Variants in PIP5K1C observed in about 807,000 individuals in gnomAD.
PIP5K1C encodes phosphatidylinositol-4-phosphate 5-kinase type 1 gamma.
PIP5K1C carries 45 observed loss-of-function variants against 80.1 expected under a neutral mutation model. The observed-to-expected ratio is 0.56, with a 90% confidence interval of 0.44 to 0.72. The LOEUF is 0.72. PIP5K1C is among the 30% of genes least tolerant of loss of function. The probability of loss-of-function intolerance (pLI) is 0.00; values close to 1 mark genes in which losing one functional copy is unlikely to be tolerated. For missense variants in PIP5K1C, 753 were observed against 954.6 expected (o/e 0.79, Z 2.78); for synonymous variants, 498 against 420.1 (o/e 1.19, Z -2.27).
chr19:3,642,411 G>A (rs965713876), intron 14 of PIP5K1C, among the ~76,000 whole-genome samples: 7 of 152,204 alleles, frequency 4.6e-5, no homozygotes, highest in Admixed American at 1.3e-4. Flanking sequence ...CAGGAACGGC[G>A]CGCACCCACC....
intron 1 of PIP5K1C, among the ~76,000 whole-genome samples, chr19:3,695,121 G>A (rs541654763): frequency 1.3e-4 from 20 of 152,334 alleles, no homozygotes; most frequent in East Asian, 3.9e-4. Flanking sequence ...GCAGCCTGAC[G>A]CCCAGCAACC....
intron 1 of PIP5K1C, among the ~76,000 whole-genome samples, chr19:3,698,377 G>A (rs1009285402): frequency 2.6e-5 from 4 of 152,216 alleles, no homozygotes. Context: ...GGGGGACATC[G>A]GCGGGACCAA....
At chr19:3,636,739 C>T in intron 16 of PIP5K1C, 2 of 987,004 alleles carry the variant, frequency 2.0e-6, no homozygotes, top group Non-Finnish European at 2.4e-6. Context: ...GAGAGGTTTG[C>T]TGATGGGCGG....
chr19:3,664,744 C>T (rs1389374486), intron 3 of PIP5K1C, 78 bp downstream of exon 3: 2 of 1,203,510 alleles, frequency 1.7e-6, no homozygotes, highest in African/African-American at 3.0e-5. Context: ...CGATAGGCCC[C>T]ATCCATGCTA....
intron 1 of PIP5K1C, among the ~76,000 whole-genome samples, chr19:3,685,162 C>T (rs2035715001): frequency 1.3e-5 from 2 of 152,204 alleles, no homozygotes; most frequent in South Asian, 4.1e-4. Context: ...TGAAACCAGC[C>T]TGCCAGCAAT....
At chr19:3,687,516 T>C (rs948782360) in intron 1 of PIP5K1C, among the ~76,000 whole-genome samples, 6 of 101,596 alleles carry the variant, frequency 5.9e-5, no homozygotes, top group Non-Finnish European at 1.1e-4. Flanking sequence ...TGCACATACA[T>C]GCACACATGC....
At chr19:3,680,772 C>G (rs972821067) in intron 1 of PIP5K1C, among the ~76,000 whole-genome samples, 1 of 152,210 alleles carries the variant, frequency 6.6e-6, no homozygotes, top group African/African-American at 2.4e-5. Context: ...CAGGCGGAGG[C>G]CAGGATCTCC....
intron 1 of PIP5K1C, among the ~76,000 whole-genome samples, chr19:3,669,434 G>C (rs1467044264): frequency 6.6e-6 from 1 of 152,224 alleles, no homozygotes; most frequent in East Asian, 1.9e-4. Flanking sequence ...GGTGGGTGCG[G>C]AGTCCGCGGT....
At chr19:3,699,452 CG>C (rs1382007963) in intron 1 of PIP5K1C, among the ~76,000 whole-genome samples, 2 of 152,112 alleles carry the variant, frequency 1.3e-5, no homozygotes, top group African/African-American at 4.8e-5. Flanking sequence ...AAGGAAGCTT[CG>C]GGAGGCCTGG....
intron 3 of PIP5K1C, among the ~76,000 whole-genome samples, 155 bp downstream of exon 3, chr19:3,664,667 G>A (rs1443619805): frequency 6.6e-6 from 1 of 152,240 alleles, no homozygotes; most frequent in African/African-American, 2.4e-5. Flanking sequence ...GCAGGACTGA[G>A]GACTCCAGCC....
intron 9 of PIP5K1C, among the ~76,000 whole-genome samples, chr19:3,647,880 G>C (rs2034295711): frequency 6.6e-6 from 1 of 152,250 alleles, no homozygotes; most frequent in Admixed American, 6.5e-5. Flanking sequence ...TCAGAAGGCA[G>C]AGGTTGCAGT....
At chr19:3,682,026 C>T (rs928267542) in intron 1 of PIP5K1C, among the ~76,000 whole-genome samples, 3 of 152,104 alleles carry the variant, frequency 2.0e-5, no homozygotes, top group African/African-American at 7.2e-5. Flanking sequence ...CCCGTCACCA[C>T]CCCCACCAAT....
chr19:3,635,245 G>C (rs1435225514), intron 16 of PIP5K1C, among the ~76,000 whole-genome samples: 3 of 152,222 alleles, frequency 2.0e-5, no homozygotes, highest in South Asian at 2.1e-4. Context: ...TTCTGCTACA[G>C]CATTAGAAAC....
intron 6 of PIP5K1C, among the ~76,000 whole-genome samples, chr19:3,655,536 G>A (rs1164971063): frequency 1.3e-5 from 2 of 152,240 alleles, no homozygotes; most frequent in South Asian, 2.1e-4. Flanking sequence ...GCACATGGCC[G>A]CGCCCATCCA....
chr19:3,685,654 C>T (rs990795559), intron 1 of PIP5K1C, among the ~76,000 whole-genome samples: 7 of 151,370 alleles, frequency 4.6e-5, no homozygotes, highest in South Asian at 2.1e-4. Flanking sequence ...GGCGTGAACC[C>T]GGGAGGCGGA....
intron 6 of PIP5K1C, among the ~76,000 whole-genome samples, chr19:3,653,956 A>G (rs2034536659): frequency 6.6e-6 from 1 of 152,232 alleles, no homozygotes; most frequent in Non-Finnish European, 1.5e-5. Context: ...CCTAAAATAC[A>G]TACATGTATG....
chr19:3,637,955 G>C lies in PIP5K1C; in HGVS notation c.1920+929C>G. 1 of 1,534,180 alleles carries C rather than the reference G, an allele frequency of 6.5e-7. No homozygotes were observed. Among genetic ancestry groups the C allele is most frequent in the South Asian group, 1.2e-5 (1 of 83,946 alleles). ...GGGTAGGGGCACAGGCACGCGGCCC[G>C]TCCCTCCCTTCTCCAGGGCCAGGTG... On this transcript the variant is annotated intron_variant, in intron 16 of 17. Transcript: ENST00000335312. The surrounding 1 kb of genome is among the most constrained non-coding windows in gnomAD (Gnocchi z 7.0).
chr19:3,640,378 T>C (rs1490150037), intron 15 of PIP5K1C, among the ~76,000 whole-genome samples: 1 of 151,812 alleles, frequency 6.6e-6, no homozygotes, highest in Admixed American at 6.6e-5. Context: ...TAGCCGGGCG[T>C]GGTGGTGCAT....
In PIP5K1C at chr19:3,696,826, G is replaced by A. The variant is rs1025914433; in HGVS notation, c.94+3471C>T. On this transcript the variant is annotated intron_variant, in intron 1 of 17. Transcript: ENST00000335312. This position sits in a 1 kb window ranked among gnomAD's most constrained non-coding sequence, Gnocchi z 4.1. ...GACTATGTCTTTGACCCCAAGGGAG[G>A]TGGGAGCCATGGAGGGCTGCGAGCA... Among the ~76,000 whole-genome samples, 42 of 152,210 alleles carry A rather than the reference G, an allele frequency of 2.8e-4. No individual in the cohort carries two copies. The highest frequency in any genetic ancestry group is 4.0e-4 in the Non-Finnish European group (27 of 68,034).
Sources: gnomAD v4.1 joint callset for allele counts (sites outside exome capture counted in the v4.1 genomes callset) on GRCh38, gnomAD v4.1.1 for gene constraint, Gnocchi (gnomAD v3.1) non-coding constraint, MANE v1.5 for transcripts, NCBI Gene and HGNC (gene_info 2026-07-23, HGNC 2026-07-21) for gene names.